The following CFAP46 variants were observed in gnomAD, a reference collection of about 807,000 sequenced individuals.
The protein encoded by CFAP46 is cilia- and flagella-associated protein 46.
In CFAP46, 245 loss-of-function variants were observed where a neutral mutation model predicts 325.7. The ratio of observed to expected loss-of-function variants is 0.75; its 90% CI spans 0.68 to 0.84. The LOEUF is 0.84. Among genes scored for constraint, CFAP46 ranks in the 40% least tolerant of loss-of-function variants. The pLI is 0.00. For missense variants in CFAP46, 3,346 were observed against 3,543.0 expected (o/e 0.94, Z 1.41); for synonymous variants, 1,523 against 1,495.9 (o/e 1.02, Z -0.42).
chr10:132,851,896 G>A (rs954133768), intron 39 of CFAP46, among the ~76,000 whole-genome samples: 3 of 148,298 alleles, frequency 2.0e-5, no homozygotes, highest in Admixed American at 1.3e-4. Context: ...ATCCACAGAC[G>A]TGGTATGTTC....
intron 4 of CFAP46, 71 bp downstream of exon 4, chr10:132,940,925 C>A: frequency 1.4e-6 from 2 of 1,438,992 alleles, no homozygotes; most frequent in South Asian, 1.1e-5. Flanking sequence ...ATAAATACAC[C>A]CACTTGATAA....
Position 132,850,388 on chromosome 10 carries a change from T to G in CFAP46, c.5808A>C (p.Ala1936=). 6.3e-7 allele frequency: 1 copy of G among 1,578,714 alleles called. No homozygotes were observed. Among genetic ancestry groups the G allele is most frequent in the Non-Finnish European group, 8.6e-7 (1 of 1,161,946 alleles). ...TCAGCGGCTGCAGGCTCCCCAGCTG[T>G]GCCAGTGCCCCGTGTGCTAGAGTCC... ...LKRTLAHGAL[A]QLGSLQPLSV... The change falls in exon 41 of 58, where the codon GCA becomes GCC. Residue 1936 remains alanine (A), a synonymous_variant. Transcript: ENST00000368586.
At chr10:132,931,233 C>T (rs1481312874) in intron 8 of CFAP46, among the ~76,000 whole-genome samples, 3 of 100,220 alleles carry the variant, frequency 3.0e-5, no homozygotes, top group Non-Finnish European at 6.2e-5. Flanking sequence ...CACACAGAGC[C>T]TGGGCCTTCC....
chr10:132,835,071 C>A (rs1257306014), intron 47 of CFAP46, among the ~76,000 whole-genome samples: 1 of 152,238 alleles, frequency 6.6e-6, no homozygotes, highest in Non-Finnish European at 1.5e-5. Context: ...GACCAGGCCC[C>A]TCCTGTTTGT....
chr10:132,942,494 G>A lies in CFAP46; in HGVS notation c.-10C>T, dbSNP rs1363494136. On this transcript the variant is annotated 5_prime_UTR_variant, in exon 1 of 58. Transcript: ENST00000368586. ...TGATGACCAGGTCCATGGCGCCGGC[G>A]CCCTGCTCGTCCGCTCTCTCCGGGG... 3.1e-6 allele frequency: 4 copies of A among 1,272,408 alleles called. No individual in the cohort carries two copies. The highest frequency in any genetic ancestry group is 4.0e-6 in the Non-Finnish European group (4 of 1,011,672). 78.8% of individuals were successfully genotyped at this position (1,272,408 alleles called of 1,614,324 possible).
chr10:132,832,173 A>C lies in CFAP46; in HGVS notation c.7117+1185T>G, dbSNP rs151108985. On this transcript the variant is annotated intron_variant, in intron 50 of 57. Coordinates refer to ENST00000368586, the MANE Select transcript of CFAP46 (RefSeq NM_001200049.3). This position sits in a 1 kb window ranked among gnomAD's most constrained non-coding sequence, Gnocchi z 4.1. ...TTTTGAAAATAAAGGCGTTTTAAGTATTTATCCGTGTTTTCACTATTTTCA... is the reference window on the plus strand; with the variant it reads ...TTTTGAAAATAAAGGCGTTTTAAGTCTTTATCCGTGTTTTCACTATTTTCA... Among the ~76,000 whole-genome samples the C allele has an allele frequency of 6.6e-6, 1 of 152,080 alleles. No individual in the cohort carries two copies. The highest frequency in any genetic ancestry group is 1.9e-4 in the East Asian group (1 of 5,192).
chr10:132,887,204 TCTTTC>T, intron 25 of CFAP46, among the ~76,000 whole-genome samples: 1 of 87,738 alleles, frequency 1.1e-5, no homozygotes, highest in Non-Finnish European at 2.1e-5. Context: ...TCTCTCCTCT[TCTTTC>T]CTCTCCCCTC....
Position 132,832,244 on chromosome 10 carries a change from C to G in CFAP46, c.7117+1114G>C, listed in dbSNP as rs886201559. Among the ~76,000 whole-genome samples, 1 of 151,998 alleles carries G rather than the reference C, an allele frequency of 6.6e-6. No homozygotes were observed. The highest frequency in any genetic ancestry group is 2.4e-5 in the African/African-American group (1 of 41,378). The stretch of plus-strand genomic sequence containing the variant: ...CTCGCACACAGGTGGTGGCTGTCTT[C>G]CTGCTGAGGGCTCTGCAGATCTCGG... On this transcript the variant is annotated intron_variant, in intron 50 of 57. Transcript: ENST00000368586. The surrounding 1 kb of genome is among the most constrained non-coding windows in gnomAD (Gnocchi z 4.1).
chr10:132,920,511 C>G lies in CFAP46; in HGVS notation c.1607-329G>C, dbSNP rs2135597730. 1.3e-5 allele frequency among the ~76,000 whole-genome samples: 2 copies of G among 152,350 alleles called. 1 individual carries two copies. The highest frequency in any genetic ancestry group is 4.8e-5 in the African/African-American group (2 of 41,584). ...CCCTCCAAGCAGAGGCACCCGGCCT[C>G]AGACTCCCGAGCTCCCACCCAGCCC... On this transcript the variant is annotated intron_variant, in intron 13 of 57. Coordinates refer to ENST00000368586, the MANE Select transcript of CFAP46 (RefSeq NM_001200049.3).
intron 8 of CFAP46, among the ~76,000 whole-genome samples, chr10:132,934,505 G>A (rs889866705): frequency 4.6e-4 from 70 of 152,200 alleles, no homozygotes; most frequent in Admixed American, 3.9e-4. Context: ...GTGCCACAGT[G>A]ACCTAACCAT....
chr10:132,908,762 G>T, intron 21 of CFAP46, 128 bp from the exon 22 acceptor site: 1 of 1,212,154 alleles, frequency 8.2e-7, no homozygotes, highest in Non-Finnish European at 1.1e-6. Context: ...GGGCCACCGT[G>T]CCACAAAAGC....
At chr10:132,929,456 G>A (rs757095301) in intron 9 of CFAP46, 2 of 731,106 alleles carry the variant, frequency 2.7e-6, no homozygotes, top group Non-Finnish European at 5.2e-6. Flanking sequence ...TTGGACTCTA[G>A]AAACAACTGT....
Position 132,828,983 on chromosome 10 carries a change from C to T in CFAP46, c.7117+4375G>A, listed in dbSNP as rs1159611216. ...CTGTATCAATACTGCACCCATGTGA[C>T]GGGGTCCTGACATCAGGTGGCGTGT... On this transcript the variant is annotated intron_variant, in intron 50 of 57. Transcript: ENST00000368586. The surrounding 1 kb of genome is among the most constrained non-coding windows in gnomAD (Gnocchi z 4.9). 2.6e-5 allele frequency among the ~76,000 whole-genome samples: 4 copies of T among 151,634 alleles called. No homozygotes were observed. The highest frequency in any genetic ancestry group is 5.9e-5 in the Non-Finnish European group (4 of 67,992).
Position 132,847,637 on chromosome 10 carries a change from G to C in CFAP46, c.5953-316C>G, listed in dbSNP as rs1848462520. Among the ~76,000 whole-genome samples the C allele has an allele frequency of 6.6e-6, 1 of 151,980 alleles. No homozygotes were observed. ...GGCCTGGAATCCAACACATTCCCAG[G>C]GGGCTCTCGTTCCTGTCCTTTGGAA... On this transcript the variant is annotated intron_variant, in intron 41 of 57. Coordinates refer to ENST00000368586, the MANE Select transcript of CFAP46 (RefSeq NM_001200049.3). The surrounding 1 kb of genome is among the most constrained non-coding windows in gnomAD (Gnocchi z 5.2).
Position 132,847,227 on chromosome 10 carries a change from G to C in CFAP46, c.6047C>G (p.Ala2016Gly), listed in dbSNP as rs150502485. The C allele has an allele frequency of 2.1e-4, 342 of 1,613,188 alleles. 1 individual carries two copies. The African/African-American group carries it at 4.1e-3, about 19-fold the overall frequency. ...TCTCCTGCAGTGCTCCTCCGGGGCT[G>C]CCCTGGAGGCCGGCGGGTCCCTGCT... The part of the protein sequence containing the change: ...KSSRDPPASR[A>G]APEEHCRRGE... The change falls in exon 42 of 58, where the codon GCA becomes GGA. Residue 2016 changes from alanine (A) to glycine (G), a missense_variant. By Grantham distance (60) the Ala-to-Gly change is moderately conservative. Transcript: ENST00000368586. This position sits in a 1 kb window ranked among gnomAD's most constrained non-coding sequence, Gnocchi z 5.2.
chr10:132,811,225 C>T (rs1361437151), intron 55 of CFAP46, among the ~76,000 whole-genome samples, 194 bp from the exon 56 acceptor site: 2 of 152,246 alleles, frequency 1.3e-5, no homozygotes, highest in African/African-American at 2.4e-5. Flanking sequence ...TCGCCAGCCT[C>T]AGGAGCCCAG....
chr10:132,877,963 C>CT lies in CFAP46; in HGVS notation c.4129dup (p.Arg1377LysfsTer3). 6.5e-7 allele frequency: 1 copy of CT among 1,549,216 alleles called. No individual in the cohort carries two copies. Among genetic ancestry groups the CT allele is most frequent in the East Asian group, 2.4e-5 (1 of 40,888 alleles). ...CCTCTCATTCTCCTTCTCTTTACTC[C>CT]TCTCCTTCTCCTTCTCTTTACTCCT... is the stretch of plus-strand genomic sequence containing the variant. On this transcript the variant is annotated frameshift_variant, in exon 30 of 58. Transcript: ENST00000368586. LOFTEE classifies it high-confidence loss of function. This position sits in a 1 kb window ranked among gnomAD's most constrained non-coding sequence, Gnocchi z 5.7.
In CFAP46 at chr10:132,866,055, C is replaced by A; in HGVS notation, c.4860G>T (p.Leu1620=). The stretch of plus-strand genomic sequence containing the variant: ...AAGCCAGGTAAGCCTCCGACAGGAG[C>A]AGCCGTGCAGGCTGGTACAGGTTCA... ...LEMNLYQPAR[L]LLSEAYLAFQ... Residue 1620 remains leucine (L), a synonymous_variant, in exon 35 of 58, where the codon CTG becomes CTT. Transcript: ENST00000368586. 2 of 1,529,168 alleles carry A rather than the reference C, an allele frequency of 1.3e-6. No homozygotes were observed. Among genetic ancestry groups the A allele is most frequent in the African/African-American group, 1.4e-5 (1 of 72,256 alleles). 94.7% of individuals were successfully genotyped at this position (1,529,168 alleles called of 1,614,324 possible).
chr10:132,929,839 T>A lies in CFAP46; in HGVS notation c.867-35A>T, dbSNP rs764111093. ...AACAAACCAGCCAGCACCGGCTCAA[T>A]AGGGGGCACAGGAAACATGGCTGCA... On this transcript the variant is annotated intron_variant, in intron 8 of 57. Transcript: ENST00000368586. 2.6e-6 allele frequency: 4 copies of A among 1,527,146 alleles called. No individual in the cohort carries two copies. In the African/African-American group the frequency reaches 4.1e-5, roughly 16 times the overall value. The allele number at this position is 1,527,146 out of a possible 1,614,324, so 94.6% of individuals were successfully genotyped here. A position where few individuals can be genotyped will look rare whatever the true frequency, so the allele number is the denominator to read the frequency against.
Sources: gnomAD v4.1 joint callset for allele counts (sites outside exome capture counted in the v4.1 genomes callset) on GRCh38, gnomAD v4.1.1 for gene constraint, Gnocchi (gnomAD v3.1) non-coding constraint, MANE v1.5 for transcripts, NCBI Gene and HGNC (gene_info 2026-07-23, HGNC 2026-07-21) for gene names.